DGLUCY: variants seen among roughly 807,000 people sequenced by gnomAD.
DGLUCY encodes D-glutamate cyclase, mitochondrial.
A neutral mutation model predicts 58.5 loss-of-function variants in DGLUCY; 58 were observed. The ratio of observed to expected loss-of-function variants is 0.99; its 90% CI spans 0.80 to 1.23. The LOEUF is 1.23. Among genes scored for constraint, DGLUCY ranks in the 50% most tolerant of loss-of-function variants. DGLUCY has a pLI of 0.00. For missense variants in DGLUCY, 779 were observed against 784.7 expected, an observed-to-expected ratio of 0.99 and a Z score of 0.09; for synonymous variants, 325 against 314.1, an observed-to-expected ratio of 1.03 and a Z score of -0.37.
chr14:91,151,840 A>G (rs921948751), intron 1 of DGLUCY, among the ~76,000 whole-genome samples: 21 of 150,836 alleles, frequency 1.4e-4, no homozygotes, highest in Non-Finnish European at 5.9e-5. Context: ...TTTTTAGTAG[A>G]GACGGGGTTT....
At chr14:91,207,724 G>C (rs1884985760) in intron 12 of DGLUCY, among the ~76,000 whole-genome samples, 4 of 146,184 alleles carry the variant, frequency 2.7e-5, no homozygotes, top group African/African-American at 1.0e-4. Context: ...AGCATGAAGA[G>C]ACTGGACTAT....
rs148976185 is a variant in DGLUCY at position 91,072,771 on chromosome 14, C to T, written c.-82+12067C>T. ...GTGCGGTGGCTCATGCCTGTAATCC[C>T]AGCACTTTGGGAGGCCGAGGCGGGC... On this transcript the variant is annotated intron_variant, in intron 1 of 4. Coordinates refer to the DGLUCY transcript ENST00000521334. 3.2e-3 allele frequency among the ~76,000 whole-genome samples: 487 copies of T among 152,000 alleles called. 4 individuals are homozygous for T. The highest frequency in any genetic ancestry group is 0.011 in the African/African-American group (474 of 41,500).
intron 1 of DGLUCY, among the ~76,000 whole-genome samples, chr14:91,082,439 C>G (rs986190824): frequency 5.9e-5 from 9 of 152,298 alleles, no homozygotes; most frequent in African/African-American, 2.2e-4. Context: ...ACTTCAGGAA[C>G]ATTGTTGAGA....
chr14:91,179,787 A>G lies in DGLUCY; in HGVS notation c.731-1399A>G, dbSNP rs930440642. Among the ~76,000 whole-genome samples the G allele has an allele frequency of 7.2e-5, 11 of 152,200 alleles. No individual in the cohort carries two copies. The South Asian group carries it at 1.2e-3, about 17-fold the overall frequency. On this transcript the variant is annotated intron_variant, in intron 7 of 13. Coordinates refer to ENST00000256324, the MANE Select transcript of DGLUCY (RefSeq NM_001102368.3). ...AAATATATGCTTGTTCAATTAAGCA[A>G]ACCATCGAGGGCTTACTCTGAAACA... is the stretch of plus-strand genomic sequence containing the variant.
chr14:91,070,264 G>A (rs1269041269), intron 1 of DGLUCY, among the ~76,000 whole-genome samples: 1 of 152,092 alleles, frequency 6.6e-6, no homozygotes, highest in African/African-American at 2.4e-5. Flanking sequence ...GGTGAAGGGG[G>A]TAGAGAAATA....
intron 11 of DGLUCY, among the ~76,000 whole-genome samples, chr14:91,202,244 G>C (rs1194424878): frequency 6.6e-6 from 1 of 152,036 alleles, no homozygotes; most frequent in Non-Finnish European, 1.5e-5. Context: ...GTAGCATTAG[G>C]AGTAGACTGC....
intron 13 of DGLUCY, among the ~76,000 whole-genome samples, chr14:91,220,171 G>T (rs756628214): frequency 1.3e-5 from 2 of 152,230 alleles, no homozygotes; most frequent in Non-Finnish European, 2.9e-5. Flanking sequence ...TAGGAAGGTC[G>T]CAGGCCCTGG....
Position 91,167,438 on chromosome 14 carries a change from T to C in DGLUCY, c.257+60T>C. 1.9e-6 allele frequency: 3 copies of C among 1,603,774 alleles called. 1 individual carries two copies. The South Asian group carries it at 3.3e-5, about 18-fold the overall frequency. ...GGAGTGTCCAGGTGCTGTAGCCAGG[T>C]GTCTCTGTCATCCGGGACCTCTCTG... On this transcript the variant is annotated intron_variant, in intron 4 of 13. Transcript: ENST00000256324.
intron 1 of DGLUCY, among the ~76,000 whole-genome samples, chr14:91,132,073 G>A (rs1168950087): frequency 6.6e-6 from 1 of 152,172 alleles, no homozygotes; most frequent in Non-Finnish European, 1.5e-5. Context: ...GATTTCAGGC[G>A]TGCGCCACTG....
intron 3 of DGLUCY, among the ~76,000 whole-genome samples, chr14:91,165,908 C>T (rs2048257458): frequency 6.6e-6 from 1 of 152,192 alleles, no homozygotes; most frequent in African/African-American, 2.4e-5. Flanking sequence ...TTCATGGCAG[C>T]ACCATTTGTC....
At chr14:91,169,794 T>C (rs1189380130) in intron 4 of DGLUCY, among the ~76,000 whole-genome samples, 1 of 152,116 alleles carries the variant, frequency 6.6e-6, no homozygotes, top group East Asian at 1.9e-4. Context: ...GTACGTTCTA[T>C]ACGTGCTGAT....
intron 8 of DGLUCY, chr14:91,185,451 T>A (rs994567989): frequency 1.3e-5 from 2 of 151,420 alleles, no homozygotes; most frequent in Non-Finnish European, 2.9e-5. Flanking sequence ...CTGGGCTAAT[T>A]TTTAATTTTT....
chr14:91,133,303 A>C (rs1223044861), intron 1 of DGLUCY, among the ~76,000 whole-genome samples: 1 of 152,122 alleles, frequency 6.6e-6, no homozygotes, highest in East Asian at 1.9e-4. Context: ...CTCAACAACA[A>C]CAACAACAAC....
chr14:91,221,255 G>A (rs905811356), intron 13 of DGLUCY, among the ~76,000 whole-genome samples: 4 of 152,254 alleles, frequency 2.6e-5, no homozygotes, highest in African/African-American at 9.6e-5. Flanking sequence ...TAGGTAGGGA[G>A]TGAGGGGCCA....
At chr14:91,119,381 C>T (rs925647839) in intron 1 of DGLUCY, among the ~76,000 whole-genome samples, 7 of 152,142 alleles carry the variant, frequency 4.6e-5, no homozygotes, top group Non-Finnish European at 8.8e-5. Context: ...ACTCTGTTTC[C>T]CTGACCAAAT....
chr14:91,151,921 G>A lies in DGLUCY; in HGVS notation c.-81-5718G>A, dbSNP rs532895234. On this transcript the variant is annotated intron_variant, in intron 1 of 13. Coordinates refer to ENST00000256324, the MANE Select transcript of DGLUCY (RefSeq NM_001102368.3). ...CAAAGTGCTGGGATTACAGGCGTGAGCCACCCCACCCAGCCCTTCTTTTTT... is the reference window on the plus strand; with the variant it reads ...CAAAGTGCTGGGATTACAGGCGTGAACCACCCCACCCAGCCCTTCTTTTTT... Among the ~76,000 whole-genome samples, 4 of 152,164 alleles carry A rather than the reference G, an allele frequency of 2.6e-5. No individual in the cohort carries two copies. In the South Asian group the frequency reaches 8.3e-4, roughly 32 times the overall value.
chr14:91,069,267 A>G (rs1292770185), intron 1 of DGLUCY, among the ~76,000 whole-genome samples: 8 of 151,962 alleles, frequency 5.3e-5, no homozygotes, highest in Non-Finnish European at 1.0e-4. Flanking sequence ...TTTTCGTTGC[A>G]CTTATTTATT....
At chr14:91,063,035 CT>C in intron 1 of DGLUCY, among the ~76,000 whole-genome samples, 1 of 152,264 alleles carries the variant, frequency 6.6e-6, no homozygotes, top group Admixed American at 6.5e-5. Context: ...GAAATATAAA[CT>C]TTCCATTGTG....
intron 1 of DGLUCY, among the ~76,000 whole-genome samples, chr14:91,142,506 T>C (rs1311204713): frequency 6.6e-6 from 1 of 152,116 alleles, no homozygotes; most frequent in Non-Finnish European, 1.5e-5. Context: ...GGTAATAAGA[T>C]GCAAAGATTT....
Sources: allele counts gnomAD v4.1 joint callset (sites outside exome capture counted in the v4.1 genomes callset), GRCh38; gene constraint gnomAD v4.1.1; transcripts MANE v1.5; gene names NCBI Gene and HGNC (gene_info 2026-07-23, HGNC 2026-07-21).